The following C4orf50 variants were observed in gnomAD, a reference collection of about 807,000 sequenced individuals.
The protein encoded by C4orf50 is chromosome 4 open reading frame 50.
C4orf50 carries 80 observed loss-of-function variants against 77.2 expected under a neutral mutation model. That is an observed-to-expected ratio of 1.04 (90% confidence interval 0.87 to 1.25). The LOEUF is 1.25. C4orf50 is among the 50% of genes most tolerant of loss of function. The pLI, the probability that C4orf50 is intolerant of heterozygous loss-of-function variation, is 0.00. For synonymous variants in C4orf50, 532 were observed against 465.3 expected, an observed-to-expected ratio of 1.14 and a Z score of -1.84; for missense variants, 1,257 against 1,152.9, an observed-to-expected ratio of 1.09 and a Z score of -1.31.
At chr4:5,962,582 G>A (rs145709309) in intron 33 of C4orf50, among the ~76,000 whole-genome samples, 2,393 of 152,248 alleles carry the variant, frequency 0.016, 29 homozygotes, top group Non-Finnish European at 0.024. Flanking sequence ...TCTCAACCCC[G>A]CCCCCATCCA....
chr4:5,907,800 G>A (rs922200601), intron 7 of C4orf50, among the ~76,000 whole-genome samples: 1 of 152,186 alleles, frequency 6.6e-6, no homozygotes, highest in South Asian at 2.1e-4. Flanking sequence ...GGGCATAAAA[G>A]AGAGAAGTAA....
At chr4:5,899,663 T>C (rs1026387790) in intron 7 of C4orf50, 1 of 152,180 alleles carries the variant, frequency 6.6e-6, no homozygotes, top group Non-Finnish European at 1.5e-5. Flanking sequence ...CAATAGCATT[T>C]TAGAACTTAA....
chr4:5,963,081 A>G (rs1365075021), intron 33 of C4orf50, among the ~76,000 whole-genome samples: 4 of 149,832 alleles, frequency 2.7e-5, no homozygotes, highest in Admixed American at 6.7e-5. Context: ...GGCTCACTAC[A>G]ACCTCCGCCT....
intron 25 of C4orf50, among the ~76,000 whole-genome samples, chr4:5,994,944 G>T (rs992811273): frequency 6.6e-6 from 1 of 152,152 alleles, no homozygotes; most frequent in Non-Finnish European, 1.5e-5. Flanking sequence ...TGTGAACTGC[G>T]TAAGCGAGAG....
chr4:5,980,153 G>A, intron 29 of C4orf50, 21 bp downstream of exon 7: 2 of 1,551,534 alleles, frequency 1.3e-6, no homozygotes, highest in Non-Finnish European at 1.7e-6. Context: ...GACAAGAGGG[G>A]AAAGAAAGCA....
chr4:5,988,879 A>G, exon 28 of C4orf50: 1 of 1,535,836 alleles, frequency 6.5e-7, no homozygotes, highest in Non-Finnish European at 8.7e-7. Flanking sequence ...CAGTGTCTGG[A>G]GCTTCCAGTT....
chr4:5,911,585 T>A (rs1039911584), intron 7 of C4orf50, among the ~76,000 whole-genome samples: 5 of 152,210 alleles, frequency 3.3e-5, no homozygotes, highest in Non-Finnish European at 7.3e-5. Flanking sequence ...CAGCTTGGCC[T>A]GCTTCACCAC....
At chr4:5,967,529 T>C (rs972620512) in intron 31 of C4orf50, 67 bp from the exon 10 acceptor site, 45 of 1,403,660 alleles carry the variant, frequency 3.2e-5, no homozygotes, top group African/African-American at 4.2e-5. Context: ...CACAGAAGAC[T>C]GCAATTGGAC....
intron 23 of C4orf50, among the ~76,000 whole-genome samples, chr4:6,013,438 C>T (rs182806309): frequency 7.9e-5 from 12 of 152,276 alleles, no homozygotes; most frequent in Admixed American, 3.3e-4. Context: ...AATTCTGATA[C>T]GATTCCTAAT....
At chr4:5,929,239 G>A (rs1259459323) in intron 7 of C4orf50, among the ~76,000 whole-genome samples, 1 of 152,180 alleles carries the variant, frequency 6.6e-6, no homozygotes, top group Non-Finnish European at 1.5e-5. Context: ...AGAACCCCCA[G>A]AGCGGCTAGT....
chr4:5,924,670 G>A lies in C4orf50; in HGVS notation c.*2475-26482C>T, dbSNP rs920509719. 7.2e-5 allele frequency among the ~76,000 whole-genome samples: 11 copies of A among 152,232 alleles called. No homozygotes were observed. In the South Asian group the frequency reaches 1.0e-3, roughly 14 times the overall value. ...ATCAGAGTGGCTGGCCGCCTCTCTC[G>A]GGGAGGAAGGAGGAGGGACTCCTGG... is the stretch of plus-strand genomic sequence containing the variant. On this transcript the variant is annotated intron_variant, in intron 7 of 7. Coordinates refer to the C4orf50 transcript ENST00000324058.
rs567632508 is a variant in C4orf50 at position 6,000,976 on chromosome 4, C to T, written c.964-6500G>A. Among the ~76,000 whole-genome samples the T allele has an allele frequency of 6.6e-6, 1 of 152,244 alleles. No homozygotes were observed. The highest frequency in any genetic ancestry group is 2.1e-4 in the South Asian group (1 of 4,826). On this transcript the variant is annotated intron_variant, in intron 25 of 33. Transcript: ENST00000531445. This position sits in a 1 kb window ranked among gnomAD's most constrained non-coding sequence, Gnocchi z 6.0. Reference sequence around the variant, plus strand: ...AACCCATCGGTAAGTGGCAGGAGAGCCCACCTCCACCGGAAGTTAGAGCAA... The same window carrying T: ...AACCCATCGGTAAGTGGCAGGAGAGTCCACCTCCACCGGAAGTTAGAGCAA...
rs1722342542 is a variant in C4orf50, at chr4:6,008,412, T to TCCGCCGGCAGCGCTCCAGGGCCG, written c.524_546dup (p.Thr183ArgfsTer111). ...ACCAGGCCCAGCTGGCGCCGCTGGG[T>TCCGCCGGCAGCGCTCCAGGGCCG]CCGCCGGCAGCGCTCCAGGGCCGCC... On this transcript the variant is annotated frameshift_variant, in exon 25 of 34. Coordinates refer to ENST00000531445, the Ensembl canonical transcript of C4orf50. LOFTEE classifies it high-confidence loss of function. The surrounding 1 kb of genome is among the most constrained non-coding windows in gnomAD (Gnocchi z 6.0). The TCCGCCGGCAGCGCTCCAGGGCCG allele has an allele frequency of 2.5e-6, 1 of 394,650 alleles. No individual in the cohort carries two copies. Among genetic ancestry groups the TCCGCCGGCAGCGCTCCAGGGCCG allele is most frequent in the African/African-American group, 2.1e-5 (1 of 48,292 alleles). 24.4% of individuals were successfully genotyped at this position (394,650 alleles called of 1,614,324 possible).
At chr4:5,954,190 C>G (rs1267449892), downstream of C4orf50, among the ~76,000 whole-genome samples, 1 of 152,134 alleles carries the variant, frequency 6.6e-6, no homozygotes, top group Non-Finnish European at 1.5e-5. This position sits in a 1 kb window ranked among gnomAD's most constrained non-coding sequence, Gnocchi z 4.7. Context: ...TCAGTGACAA[C>G]GGGGAATGGC....
chr4:6,003,096 G>A (rs1229846813), intron 25 of C4orf50, among the ~76,000 whole-genome samples: 1 of 152,298 alleles, frequency 6.6e-6, no homozygotes, highest in South Asian at 2.1e-4. Context: ...CCTTGGCCCA[G>A]ACAGCCGTCC....
In C4orf50 at chr4:5,901,424, C is replaced by T. The variant is rs1052952481; in HGVS notation, c.*2475-3236G>A. The T allele has an allele frequency of 1.3e-5, 2 of 152,178 alleles. No homozygotes were observed. The highest frequency in any genetic ancestry group is 6.5e-5 in the Admixed American group (1 of 15,280). 9.4% of individuals were successfully genotyped at this position (152,178 alleles called of 1,614,324 possible). On this transcript the variant is annotated intron_variant, in intron 7 of 7. Coordinates refer to the C4orf50 transcript ENST00000324058. This position sits in a 1 kb window ranked among gnomAD's most constrained non-coding sequence, Gnocchi z 4.4. ...GAGGGGAGGCCACTTTCCCTAGTCT[C>T]GGAGCCAATAACTTGCAGAACCCAG...
In C4orf50 at chr4:6,008,784, T is replaced by G. The variant is rs978957906; in HGVS notation, c.427-252A>C. ...CCTGCACCTTCAACAGCTCCCTGAG[T>G]CCTGGAAGGGAGCTGTGCAGGTGGC... is the stretch of plus-strand genomic sequence containing the variant. On this transcript the variant is annotated intron_variant, in intron 24 of 33. Transcript: ENST00000531445. This position sits in a 1 kb window ranked among gnomAD's most constrained non-coding sequence, Gnocchi z 6.0. Among the ~76,000 whole-genome samples, 1 of 152,080 alleles carries G rather than the reference T, an allele frequency of 6.6e-6. No individual in the cohort carries two copies. The highest frequency in any genetic ancestry group is 1.5e-5 in the Non-Finnish European group (1 of 68,012).
intron 7 of C4orf50, among the ~76,000 whole-genome samples, chr4:5,924,671 G>C (rs1717434254): frequency 1.3e-5 from 2 of 152,232 alleles, no homozygotes; most frequent in South Asian, 4.1e-4. Flanking sequence ...GCCTCTCTCG[G>C]GGAGGAAGGA....
intron 25 of C4orf50, among the ~76,000 whole-genome samples, chr4:5,997,756 T>C (rs1721657506): frequency 2.0e-5 from 3 of 152,236 alleles, no homozygotes; most frequent in Admixed American, 1.3e-4. Context: ...TTCCTATGCA[T>C]AGACATTGCG....
Sources: allele counts gnomAD v4.1 joint callset (sites outside exome capture counted in the v4.1 genomes callset), GRCh38; gene constraint gnomAD v4.1.1; non-coding constraint Gnocchi (gnomAD v3.1); transcripts MANE v1.5; gene names NCBI Gene and HGNC (gene_info 2026-07-23, HGNC 2026-07-21).